The following CFH variants were observed in gnomAD, a reference collection of about 807,000 sequenced individuals.
CFH encodes the protein complement factor H, also known as H factor 1 (complement).
Under a neutral mutation model 147.3 loss-of-function variants are expected in CFH, and 53 were observed. The observed-to-expected ratio is 0.36, with a 90% CI of 0.29 to 0.45. The LOEUF (loss-of-function observed/expected upper bound fraction) is 0.45, where lower values mean the gene tolerates loss of function less well. Ranked by LOEUF, CFH falls within the 20% of genes least tolerant of loss-of-function variation. CFH has a pLI of 1.00. For missense variants in CFH, 1,380 were observed against 1,498.0 expected (o/e 0.92, Z 1.30); for synonymous variants, 536 against 489.4 (o/e 1.10, Z -1.26).
rs1558178906 is a variant in CFH, at chr1:196,726,591, G to A, written c.1995G>A (p.Met665Ile). ...VEYYCNPRFLMKGPNKIQCVD... is the reference protein window; with the variant it reads ...VEYYCNPRFLIKGPNKIQCVD... ...ATTATTGCAATCCTAGATTTCTAAT[G>A]AAGGGACCTAATAAAATTCAATGTG... is the stretch of plus-strand genomic sequence containing the variant. The change falls in exon 13 of 22, where the codon ATG (methionine) becomes ATA (isoleucine). Residue 665 changes from methionine to isoleucine, a missense_variant. Transcript: ENST00000367429. The A allele has an allele frequency of 6.2e-7, 1 of 1,612,568 alleles. No homozygotes were observed. Among genetic ancestry groups the A allele is most frequent in the Non-Finnish European group, 8.5e-7 (1 of 1,178,678 alleles).
chr1:196,709,164 A>G (rs925155800), intron 9 of CFH, among the ~76,000 whole-genome samples: 3 of 152,172 alleles, frequency 2.0e-5, no homozygotes, highest in African/African-American at 7.2e-5. Context: ...GCTGGAGACC[A>G]TATGTCTCTA....
At position 196,714,635 on chromosome 1, in the gene CFH, G is replaced by GTGTA. The variant is rs1392624278; in HGVS notation, c.1519+719_1519+720insGTAT. Among the ~76,000 whole-genome samples, 24 of 24,920 alleles carry GTGTA rather than the reference G, an allele frequency of 9.6e-4. 1 individual carries two copies. The highest frequency in any genetic ancestry group is 4.6e-3 in the South Asian group (2 of 438). 16.3% of individuals were successfully genotyped at this position (24,920 alleles called of 152,430 possible). Reference sequence around the variant, plus strand: ...TGTGTGTGTGTGTATACGTATATATGTATATATATATATATATATATATAT... The same window carrying GTGTA: ...TGTGTGTGTGTGTATACGTATATATGTGTATATATATATATATATATATATATAT... On this transcript the variant is annotated intron_variant, in intron 10 of 21. Coordinates refer to ENST00000367429, the MANE Select transcript of CFH (RefSeq NM_000186.4).
chr1:196,695,700 T>C (rs148412034), intron 9 of CFH, among the ~76,000 whole-genome samples: 161 of 152,278 alleles, frequency 1.1e-3, no homozygotes, highest in Admixed American at 2.5e-3. Flanking sequence ...GGTTTGTAGT[T>C]CTCCTTGAAG....
intron 17 of CFH, among the ~76,000 whole-genome samples, chr1:196,738,636 G>C (rs978239325): frequency 6.6e-6 from 1 of 152,220 alleles, no homozygotes; most frequent in Non-Finnish European, 1.5e-5. Context: ...TGATGCAAGA[G>C]ATGGGCTCCC....
At chr1:196,712,845 CTATGAGTG>C (rs765705512) in intron 9 of CFH, among the ~76,000 whole-genome samples, 196 of 143,674 alleles carry the variant, frequency 1.4e-3, no homozygotes, top group South Asian at 2.4e-3. Flanking sequence ...CAGTTCCCAT[CTATGAGTG>C]AGAACATGTG....
Position 196,689,178 on chromosome 1 carries a change from C to G in CFH, c.965-242C>G, listed in dbSNP as rs535798565. Among the ~76,000 whole-genome samples the G allele has an allele frequency of 3.1e-4, 47 of 152,038 alleles. 1 individual carries two copies. Among genetic ancestry groups the G allele is most frequent in the African/African-American group, 1.1e-3 (44 of 41,406 alleles). On this transcript the variant is annotated intron_variant, in intron 7 of 21. Coordinates refer to ENST00000367429, the MANE Select transcript of CFH (RefSeq NM_000186.4). ...TCTGTGCATTTTTCTTTCTGGAGAG[C>G]CTTCATACAAATTTACGCATCATGT...
chr1:196,732,133 A>G (rs915430853), intron 15 of CFH, among the ~76,000 whole-genome samples: 2 of 151,998 alleles, frequency 1.3e-5, no homozygotes, highest in African/African-American at 2.4e-5. Flanking sequence ...GTTATTCCAC[A>G]TGGTAGTATT....
intron 9 of CFH, among the ~76,000 whole-genome samples, chr1:196,706,514 C>T (rs1196622335): frequency 1.3e-5 from 2 of 152,100 alleles, no homozygotes; most frequent in African/African-American, 4.8e-5. Flanking sequence ...AGCCTAAAAT[C>T]CCTACCTAAT....
chr1:196,661,725 T>C (rs1043950679), intron 1 of CFH, among the ~76,000 whole-genome samples: 1 of 152,208 alleles, frequency 6.6e-6, no homozygotes, highest in Non-Finnish European at 1.5e-5. Flanking sequence ...ATTCAGAGCA[T>C]AGCATATGCC....
At chr1:196,713,515 C>T (rs1668772653) in intron 9 of CFH, among the ~76,000 whole-genome samples, 1 of 152,102 alleles carries the variant, frequency 6.6e-6, no homozygotes, top group Admixed American at 6.6e-5. Flanking sequence ...TTGTAAGTGT[C>T]TTAAATAGAG....
chr1:196,706,950 G>T (rs1668604718), intron 9 of CFH, among the ~76,000 whole-genome samples: 1 of 152,106 alleles, frequency 6.6e-6, no homozygotes, highest in Admixed American at 6.6e-5. Flanking sequence ...TCATTCCGCT[G>T]CAAGACCAAG....
At chr1:196,738,268 C>A (rs1327800922) in intron 17 of CFH, among the ~76,000 whole-genome samples, 1 of 152,170 alleles carries the variant, frequency 6.6e-6, no homozygotes, top group African/African-American at 2.4e-5. Context: ...TATCATTCCA[C>A]CATGGCCTAT....
At chr1:196,652,483 T>C (rs1240400404) in intron 1 of CFH, among the ~76,000 whole-genome samples, 1 of 151,982 alleles carries the variant, frequency 6.6e-6, no homozygotes, top group Non-Finnish European at 1.5e-5. Context: ...AATTTACTTT[T>C]TTGCTTAGGA....
intron 1 of CFH, among the ~76,000 whole-genome samples, chr1:196,654,050 A>C (rs1408622586): frequency 6.6e-6 from 1 of 152,120 alleles, no homozygotes; most frequent in Non-Finnish European, 1.5e-5. Context: ...CAGTTCTATT[A>C]ATCTACCATA....
At chr1:196,680,817 TG>T (rs1323635798) in intron 6 of CFH, among the ~76,000 whole-genome samples, 2 of 151,926 alleles carry the variant, frequency 1.3e-5, no homozygotes, top group Non-Finnish European at 2.9e-5. Flanking sequence ...TAGTTAATTT[TG>T]GGTTAATTTT....
intron 3 of CFH, among the ~76,000 whole-genome samples, chr1:196,675,058 A>T (rs1667409561): frequency 6.6e-6 from 1 of 152,202 alleles, no homozygotes; most frequent in South Asian, 2.1e-4. Context: ...AATAGGTTAT[A>T]ATATCCTGGG....
Position 196,725,240 on chromosome 1 carries a change from C to T in CFH, c.1816C>T (p.Pro606Ser). 2 of 1,613,932 alleles carry T rather than the reference C, an allele frequency of 1.2e-6. No homozygotes were observed. The highest frequency in any genetic ancestry group is 1.7e-6 in the Non-Finnish European group (2 of 1,179,894). The change falls in exon 12 of 22, where the codon CCT (proline) becomes TCT (serine). Residue 606 changes from proline to serine, a missense_variant. Coordinates refer to ENST00000367429, the MANE Select transcript of CFH (RefSeq NM_000186.4). ...CAAACCAGGATTTACAATAGTTGGA[C>T]CTAATTCCGTTCAGTGCTACCACTT... ...SCKPGFTIVG[P>S]NSVQCYHFGL...
At chr1:196,727,183 T>C (rs193232015) in intron 14 of CFH, among the ~76,000 whole-genome samples, 2 of 152,240 alleles carry the variant, frequency 1.3e-5, no homozygotes, top group Admixed American at 1.3e-4. Context: ...TATTTAAAAG[T>C]GTGAAGCAAC....
chr1:196,708,190 T>A (rs1668639918), intron 9 of CFH, among the ~76,000 whole-genome samples: 1 of 152,178 alleles, frequency 6.6e-6, no homozygotes, highest in African/African-American at 2.4e-5. Flanking sequence ...TTCAAGGTAT[T>A]GCCACTGGAA....
Sources: gnomAD v4.1 joint callset for allele counts (sites outside exome capture counted in the v4.1 genomes callset) on GRCh38, gnomAD v4.1.1 for gene constraint, MANE v1.5 for transcripts, NCBI Gene and HGNC (gene_info 2026-07-23, HGNC 2026-07-21) for gene names.